The following EPAS1 variants were observed in gnomAD, a reference collection of about 807,000 sequenced individuals.
EPAS1 encodes endothelial PAS domain-containing protein 1.
EPAS1 carries 23 observed loss-of-function variants against 87.9 expected under a neutral mutation model. The observed-to-expected ratio is 0.26, with a 90% CI of 0.19 to 0.37. EPAS1 has a LOEUF of 0.37. Ranked by LOEUF, EPAS1 falls within the 10% of genes least tolerant of loss-of-function variation. EPAS1 has a pLI of 1.00. For missense variants in EPAS1, 1,138 were observed against 1,120.7 expected (o/e 1.02, Z -0.22); for synonymous variants, 508 against 444.3 (o/e 1.14, Z -1.80).
At chr2:46,309,657 CG>C (rs1683173588) in intron 1 of EPAS1, among the ~76,000 whole-genome samples, 1 of 152,010 alleles carries the variant, frequency 6.6e-6, no homozygotes, top group Non-Finnish European at 1.5e-5. Flanking sequence ...AGGTGAATTG[CG>C]TAAGTAAAAT....
At chr2:46,362,056 G>A (rs1684401986) in intron 6 of EPAS1, among the ~76,000 whole-genome samples, 1 of 152,200 alleles carries the variant, frequency 6.6e-6, no homozygotes, top group African/African-American at 2.4e-5. Context: ...ACTGGGGCTT[G>A]CTGAGCAGCA....
chr2:46,362,951 TTAG>T (rs1471978665), intron 6 of EPAS1, among the ~76,000 whole-genome samples: 77 of 122,544 alleles, frequency 6.3e-4, no homozygotes, highest in East Asian at 2.5e-3. Context: ...ATTGTAATTG[TTAG>T]TGGTGGTGGT....
chr2:46,339,100 T>C (rs762168891), intron 1 of EPAS1, among the ~76,000 whole-genome samples: 1 of 152,260 alleles, frequency 6.6e-6, no homozygotes, highest in Admixed American at 6.5e-5. Flanking sequence ...GTAAAATGCA[T>C]TGTGGTTCAG....
chr2:46,374,540 T>C (rs542920052), intron 7 of EPAS1, among the ~76,000 whole-genome samples: 2 of 152,280 alleles, frequency 1.3e-5, no homozygotes, highest in East Asian at 3.9e-4. Context: ...TTACTACTAT[T>C]ATTATCAATA....
At chr2:46,336,031 C>T (rs1383446322) in intron 1 of EPAS1, 1 of 152,126 alleles carries the variant, frequency 6.6e-6, no homozygotes, top group African/African-American at 2.4e-5. Flanking sequence ...TAACTCTTCA[C>T]TGAAGGGAAG....
intron 1 of EPAS1, among the ~76,000 whole-genome samples, chr2:46,340,396 C>A (rs560798225): frequency 6.6e-6 from 1 of 152,132 alleles, no homozygotes; most frequent in African/African-American, 2.4e-5. Flanking sequence ...CCCAGCGGAG[C>A]GGAGGTTGGG....
intron 7 of EPAS1, among the ~76,000 whole-genome samples, chr2:46,374,771 C>A (rs970836041): frequency 6.6e-6 from 1 of 152,128 alleles, no homozygotes; most frequent in Admixed American, 6.5e-5. Context: ...TTATTGATTC[C>A]TTTTGAATGG....
intron 1 of EPAS1, among the ~76,000 whole-genome samples, chr2:46,306,235 C>T (rs1683106775): frequency 6.6e-6 from 1 of 152,188 alleles, no homozygotes; most frequent in Non-Finnish European, 1.5e-5. Context: ...ACACATTTCA[C>T]TTTTGATAAA....
Position 46,378,770 on chromosome 2 carries a change from A to G in EPAS1, c.1554+3A>G, listed in dbSNP as rs752763185. 3.1e-6 allele frequency: 5 copies of G among 1,612,568 alleles called. No homozygotes were observed. Among genetic ancestry groups the G allele is most frequent in the Non-Finnish European group, 4.2e-6 (5 of 1,178,540 alleles). ...CCAAGGACCAATGCAGTACCCAGGT[A>G]GATGGCTGTGGAGATCAGGCTAGGG... On this transcript the variant is annotated splice_donor_region_variant and intron_variant, in intron 11 of 15. Coordinates refer to ENST00000263734, the MANE Select transcript of EPAS1 (RefSeq NM_001430.5).
chr2:46,316,426 A>G (rs1683318464), intron 1 of EPAS1, among the ~76,000 whole-genome samples: 1 of 152,000 alleles, frequency 6.6e-6, no homozygotes, highest in South Asian at 2.1e-4. Context: ...ACACCCAGCT[A>G]ATTTTTGTGT....
chr2:46,374,924 C>G (rs1387520851), intron 7 of EPAS1, among the ~76,000 whole-genome samples: 1 of 152,044 alleles, frequency 6.6e-6, no homozygotes, highest in Non-Finnish European at 1.5e-5. Flanking sequence ...GGAAGCCTAG[C>G]TGGGCGGTTG....
At chr2:46,322,075 ATTG>A (rs1490620334) in intron 1 of EPAS1, among the ~76,000 whole-genome samples, 1 of 152,074 alleles carries the variant, frequency 6.6e-6, no homozygotes, top group African/African-American at 2.4e-5. Flanking sequence ...GAGAATAATT[ATTG>A]TTGTCATCTA....
chr2:46,366,472 C>T (rs1274896909), intron 6 of EPAS1, among the ~76,000 whole-genome samples: 1 of 152,170 alleles, frequency 6.6e-6, no homozygotes, highest in African/African-American at 2.4e-5. Flanking sequence ...TCCTTTCATC[C>T]TTCCTCTGCC....
intron 1 of EPAS1, among the ~76,000 whole-genome samples, chr2:46,302,856 G>A (rs1236534010): frequency 6.6e-6 from 1 of 151,836 alleles, no homozygotes; most frequent in South Asian, 2.1e-4. Flanking sequence ...GGCAGATCAC[G>A]AGGTCAGGAG....
chr2:46,327,186 G>C (rs1683580419), intron 1 of EPAS1, among the ~76,000 whole-genome samples: 1 of 152,134 alleles, frequency 6.6e-6, no homozygotes, highest in Admixed American at 6.5e-5. Flanking sequence ...ATTCTAAAGT[G>C]CCGTGATTTC....
chr2:46,317,173 C>T (rs953503054), intron 1 of EPAS1, among the ~76,000 whole-genome samples: 1 of 152,224 alleles, frequency 6.6e-6, no homozygotes, highest in Non-Finnish European at 1.5e-5. Flanking sequence ...GAATTAACTT[C>T]TTCCAGACTC....
chr2:46,377,706 T>C (rs1024720513), intron 9 of EPAS1, among the ~76,000 whole-genome samples, 188 bp from the exon 10 acceptor site: 1 of 152,200 alleles, frequency 6.6e-6, no homozygotes, highest in African/African-American at 2.4e-5. Context: ...AGGGAGTCTC[T>C]ACGTTGACTC....
chr2:46,299,029 G>A (rs1465797856), intron 1 of EPAS1, among the ~76,000 whole-genome samples: 1 of 152,250 alleles, frequency 6.6e-6, no homozygotes, highest in African/African-American at 2.4e-5. Context: ...CGCCTGAGCC[G>A]CGGGAAACCA....
At position 46,297,749 on chromosome 2, in the gene EPAS1, C is replaced by G; in HGVS notation, c.-163C>G. 1 of 858,740 alleles carries G rather than the reference C, an allele frequency of 1.2e-6. No homozygotes were observed. The highest frequency in any genetic ancestry group is 1.8e-6 in the Non-Finnish European group (1 of 558,794). 53.2% of individuals were successfully genotyped at this position (858,740 alleles called of 1,614,324 possible). A position where few individuals can be genotyped will look rare whatever the true frequency, so the allele number is the denominator to read the frequency against. ...CCCCGCCCCCGCACCTAGCCCGCCG[C>G]GCGCCACCTTCCACCTGACTGCGCG... On this transcript the variant is annotated 5_prime_UTR_variant, in exon 1 of 16. Coordinates refer to ENST00000263734, the MANE Select transcript of EPAS1 (RefSeq NM_001430.5).
Sources: gnomAD v4.1 joint callset for allele counts (sites outside exome capture counted in the v4.1 genomes callset) on GRCh38, gnomAD v4.1.1 for gene constraint, MANE v1.5 for transcripts, NCBI Gene and HGNC (gene_info 2026-07-23, HGNC 2026-07-21) for gene names.